Variants in GRID2 observed in about 807,000 individuals in gnomAD.
The protein encoded by GRID2 is glutamate ionotropic receptor delta type subunit 2.
A neutral mutation model predicts 114.8 loss-of-function variants in GRID2; 33 were observed. The ratio of observed to expected loss-of-function variants is 0.29; its 90% confidence interval spans 0.22 to 0.38. The LOEUF is 0.38. GRID2 is among the 10% of genes least tolerant of loss of function. GRID2 has a pLI of 1.00. For missense variants in GRID2, 1,184 were observed against 1,257.7 expected (o/e 0.94, Z 0.89); for synonymous variants, 505 against 449.9 (o/e 1.12, Z -1.55).
At chr4:92,465,059 T>G (rs1721682671) in intron 1 of GRID2, among the ~76,000 whole-genome samples, 1 of 152,118 alleles carries the variant, frequency 6.6e-6, no homozygotes, top group Non-Finnish European at 1.5e-5. Context: ...AACTGAAAGT[T>G]TCCTGAGGCC....
chr4:93,214,595 T>A (rs1743967412), intron 5 of GRID2, among the ~76,000 whole-genome samples: 1 of 152,060 alleles, frequency 6.6e-6, no homozygotes, highest in Admixed American at 6.6e-5. Context: ...TCCCAGAAAA[T>A]TACTTTCTCT....
At chr4:93,080,623 T>C (rs543118655) in intron 2 of GRID2, among the ~76,000 whole-genome samples, 1 of 152,248 alleles carries the variant, frequency 6.6e-6, no homozygotes, top group East Asian at 1.9e-4. Flanking sequence ...GCAGGGCAGA[T>C]TTTGGAAAGA....
At chr4:92,632,752 A>G (rs1451296622) in intron 2 of GRID2, among the ~76,000 whole-genome samples, 4 of 151,992 alleles carry the variant, frequency 2.6e-5, no homozygotes, top group Admixed American at 1.3e-4. Context: ...AAGTGAAGGA[A>G]GGGAAGGAAG....
intron 1 of GRID2, among the ~76,000 whole-genome samples, chr4:92,439,223 A>G (rs1273590167): frequency 6.6e-6 from 1 of 152,030 alleles, no homozygotes; most frequent in East Asian, 1.9e-4. Flanking sequence ...TCACAAGGTA[A>G]TGTCATCACT....
At chr4:92,498,587 T>C (rs2149120723) in intron 1 of GRID2, among the ~76,000 whole-genome samples, 1 of 152,010 alleles carries the variant, frequency 6.6e-6, no homozygotes, top group Middle Eastern at 3.4e-3. Flanking sequence ...TTGGATTCAA[T>C]TGATTTAAAA....
At chr4:92,947,440 C>T (rs1041796275) in intron 2 of GRID2, among the ~76,000 whole-genome samples, 1 of 151,776 alleles carries the variant, frequency 6.6e-6, no homozygotes, top group Non-Finnish European at 1.5e-5. Context: ...GTCAATTTTC[C>T]ATTTTGTATA....
intron 8 of GRID2, among the ~76,000 whole-genome samples, chr4:93,331,129 C>T (rs559111922): frequency 2.1e-5 from 3 of 145,384 alleles, no homozygotes; most frequent in African/African-American, 7.6e-5. Flanking sequence ...CTATCTAACC[C>T]CCCCCCCATT....
chr4:93,216,845 C>G lies in GRID2; in HGVS notation c.897C>G (p.Phe299Leu). ...PVPQNISQRC[F>L]RGNHRISSTL... ...CCCAGAACATAAGTCAGCGGTGTTT[C>G]CGTGGCAACCATCGAATATCTTCAA... is the stretch of plus-strand genomic sequence containing the variant. Residue 299 changes from phenylalanine to leucine, a missense_variant, in exon 6 of 16, where the codon TTC becomes TTG. Physicochemically the swap from Phe to Leu is conservative, Grantham distance 22 (BLOSUM62 0). Around this residue, in one of 3 missense-constraint regions of GRID2, gnomAD observed 455 missense variants for 429.5 expected, o/e 1.06. Transcript: ENST00000282020. 1 of 1,613,012 alleles carries G rather than the reference C, an allele frequency of 6.2e-7. No homozygotes were observed. Among genetic ancestry groups the G allele is most frequent in the Non-Finnish European group, 8.5e-7 (1 of 1,179,114 alleles).
chr4:92,822,268 C>T (rs527676476), intron 2 of GRID2: 40 of 578,012 alleles, frequency 6.9e-5, no homozygotes, highest in Admixed American at 4.2e-4. Context: ...TTGTTGAGAT[C>T]GCATGGCATG....
At chr4:93,274,106 G>A (rs901254660) in intron 8 of GRID2, among the ~76,000 whole-genome samples, 9 of 151,920 alleles carry the variant, frequency 5.9e-5, no homozygotes, top group Non-Finnish European at 1.2e-4. Flanking sequence ...AAACATAATA[G>A]CTGATGTTAT....
At chr4:93,694,253 A>C (rs1198297182) in intron 14 of GRID2, among the ~76,000 whole-genome samples, 2 of 151,980 alleles carry the variant, frequency 1.3e-5, no homozygotes, top group Non-Finnish European at 2.9e-5. Flanking sequence ...CTCCCCACTT[A>C]ACTCTGCCCT....
intron 14 of GRID2, among the ~76,000 whole-genome samples, chr4:93,721,926 T>TC (rs1444464302): frequency 1.3e-5 from 2 of 150,012 alleles, no homozygotes; most frequent in South Asian, 2.1e-4. Context: ...TTTTCTTTTT[T>TC]TTTTTTTTTT....
chr4:92,668,906 A>T (rs1182109137), intron 2 of GRID2, among the ~76,000 whole-genome samples: 1 of 151,894 alleles, frequency 6.6e-6, no homozygotes, highest in African/African-American at 2.4e-5. Context: ...GGTGGTGACC[A>T]AAAGAGGAAT....
intron 4 of GRID2, among the ~76,000 whole-genome samples, chr4:93,198,381 C>G (rs759962450): frequency 1.1e-4 from 16 of 151,792 alleles, no homozygotes; most frequent in Non-Finnish European, 2.2e-4. Flanking sequence ...AAGTCACATG[C>G]AGAGACCTAA....
At chr4:92,987,901 G>A (rs1754610221) in intron 2 of GRID2, among the ~76,000 whole-genome samples, 1 of 152,038 alleles carries the variant, frequency 6.6e-6, no homozygotes, top group Non-Finnish European at 1.5e-5. Context: ...TCACATAGAT[G>A]TTATGTTTTG....
At chr4:92,507,579 A>T (rs1443096796) in intron 1 of GRID2, among the ~76,000 whole-genome samples, 1 of 152,010 alleles carries the variant, frequency 6.6e-6, no homozygotes, top group African/African-American at 2.4e-5. Context: ...AAAATTTAAA[A>T]AATAAAAAAT....
chr4:93,345,663 T>C (rs1010337932), intron 8 of GRID2, among the ~76,000 whole-genome samples: 5 of 152,118 alleles, frequency 3.3e-5, no homozygotes, highest in African/African-American at 1.2e-4. Flanking sequence ...CATTTGTCTG[T>C]TTTGTTGCCG....
In GRID2 at chr4:92,420,303, G is replaced by C. The variant is rs1398302837; in HGVS notation, c.88+115559G>C. Among the ~76,000 whole-genome samples, 4 of 152,040 alleles carry C rather than the reference G, an allele frequency of 2.6e-5. No homozygotes were observed. In the South Asian group the frequency reaches 6.2e-4, roughly 24 times the overall value. ...AATTATTACCATAAACTTTTAAATAGTAAGTTTTAACACCTAATATGGTGT... is the reference window on the plus strand; with the variant it reads ...AATTATTACCATAAACTTTTAAATACTAAGTTTTAACACCTAATATGGTGT... On this transcript the variant is annotated intron_variant, in intron 1 of 15. Transcript: ENST00000282020.
At chr4:92,536,848 C>A (rs1024996861) in intron 1 of GRID2, among the ~76,000 whole-genome samples, 6 of 152,046 alleles carry the variant, frequency 3.9e-5, no homozygotes, top group African/African-American at 1.4e-4. Context: ...CAAAATTAGA[C>A]CTGAAAAAAA....
Sources: gnomAD v4.1 joint callset for allele counts (sites outside exome capture counted in the v4.1 genomes callset) on GRCh38, gnomAD v4.1.1 for gene constraint, gnomAD v4.1.1 regional missense constraint, MANE v1.5 for transcripts, NCBI Gene and HGNC (gene_info 2026-07-23, HGNC 2026-07-21) for gene names.